Variants in RABGAP1L observed in about 807,000 individuals in gnomAD.
The protein encoded by RABGAP1L is RAB GTPase activating protein 1 like.
A neutral mutation model predicts 137.7 loss-of-function variants in RABGAP1L; 63 were observed. The observed-to-expected ratio is 0.46, with a 90% CI of 0.37 to 0.56. The LOEUF (loss-of-function observed/expected upper bound fraction) is 0.56, where lower values mean the gene tolerates loss of function less well. Ranked by LOEUF, RABGAP1L falls within the 20% of genes least tolerant of loss-of-function variation. The pLI, the probability that RABGAP1L is intolerant of heterozygous loss-of-function variation, is 0.00. For missense variants in RABGAP1L, 1,095 were observed against 1,244.0 expected, an observed-to-expected ratio of 0.88 and a Z score of 1.80; for synonymous variants, 431 against 433.7, an observed-to-expected ratio of 0.99 and a Z score of 0.08.
At position 174,296,214 on chromosome 1, in the gene RABGAP1L, T is replaced by C. The variant is rs184922262; in HGVS notation, c.1324-8772T>C. 1.1e-3 allele frequency among the ~76,000 whole-genome samples: 175 copies of C among 152,328 alleles called. 1 individual carries two copies. Among genetic ancestry groups the C allele is most frequent in the African/African-American group, 3.4e-3 (142 of 41,570 alleles). On this transcript the variant is annotated intron_variant, in intron 10 of 25. Coordinates refer to ENST00000681986, the MANE Select transcript of RABGAP1L (RefSeq NM_001366446.1). ...TTAATTGGTAAATAAGAGACAGTGTTCTTAAACTCTTAAGACTTGGACAAT... is the reference window on the plus strand; with the variant it reads ...TTAATTGGTAAATAAGAGACAGTGTCCTTAAACTCTTAAGACTTGGACAAT...
At chr1:174,772,932 A>C (rs1686237448) in intron 18 of RABGAP1L, among the ~76,000 whole-genome samples, 1 of 152,158 alleles carries the variant, frequency 6.6e-6, no homozygotes, top group Non-Finnish European at 1.5e-5. Flanking sequence ...TTTAACAATA[A>C]TTCTATTACT....
intron 19 of RABGAP1L, among the ~76,000 whole-genome samples, chr1:174,837,977 G>A (rs1275956543): frequency 6.6e-6 from 1 of 152,102 alleles, no homozygotes; most frequent in Non-Finnish European, 1.5e-5. Context: ...TGAATGGATA[G>A]TCTCTTTATA....
chr1:174,714,168 A>AT (rs936204079), intron 17 of RABGAP1L, among the ~76,000 whole-genome samples: 1 of 150,848 alleles, frequency 6.6e-6, no homozygotes, highest in African/African-American at 2.4e-5. Context: ...AGGGATGTTA[A>AT]TTTAAAAAAA....
At chr1:174,512,260 T>C (rs1662420792) in intron 13 of RABGAP1L, among the ~76,000 whole-genome samples, 1 of 152,218 alleles carries the variant, frequency 6.6e-6, no homozygotes, top group African/African-American at 2.4e-5. Context: ...CCTAGTATTC[T>C]ATTCATGGTG....
chr1:174,624,392 T>C (rs1672785818), intron 13 of RABGAP1L, among the ~76,000 whole-genome samples: 1 of 152,234 alleles, frequency 6.6e-6, no homozygotes, highest in South Asian at 2.1e-4. Flanking sequence ...ATCTTGTCTT[T>C]ACAAGTTGAT....
chr1:174,434,024 T>A (rs992360305), intron 13 of RABGAP1L, among the ~76,000 whole-genome samples: 2 of 151,962 alleles, frequency 1.3e-5, no homozygotes, highest in South Asian at 2.1e-4. Context: ...ATACAGAATG[T>A]TTCCCTCTTC....
At chr1:174,295,876 A>C (rs969897389) in intron 10 of RABGAP1L, among the ~76,000 whole-genome samples, 1 of 152,144 alleles carries the variant, frequency 6.6e-6, no homozygotes, top group African/African-American at 2.4e-5. Flanking sequence ...TTTAGCAAGC[A>C]GTTGGATATT....
At chr1:174,205,426 T>C (rs1668438022) in intron 1 of RABGAP1L, among the ~76,000 whole-genome samples, 1 of 152,104 alleles carries the variant, frequency 6.6e-6, no homozygotes, top group Middle Eastern at 3.2e-3. Flanking sequence ...TGGGATTTTT[T>C]TGGTTGGTAG....
chr1:174,800,616 C>T (rs1442612783), intron 18 of RABGAP1L: 1 of 1,427,822 alleles, frequency 7.0e-7, no homozygotes, highest in Non-Finnish European at 9.3e-7. Context: ...TCTCCCCATT[C>T]TGCCGAGAAG....
Position 174,390,959 on chromosome 1 carries a change from C to A in RABGAP1L, c.1560-3036C>A, listed in dbSNP as rs80345185. Among the ~76,000 whole-genome samples, 1,413 of 151,960 alleles carry A rather than the reference C, an allele frequency of 9.3e-3. 26 individuals carry two copies. The highest frequency in any genetic ancestry group is 0.033 in the African/African-American group (1,360 of 41,430). Reference sequence around the variant, plus strand: ...GAGACAAGAGAATGAAAGAAAAGGGCAAGAGTAAAGAGAGATAACTTCAAG... The same window carrying A: ...GAGACAAGAGAATGAAAGAAAAGGGAAAGAGTAAAGAGAGATAACTTCAAG... On this transcript the variant is annotated intron_variant, in intron 12 of 25. Transcript: ENST00000681986.
chr1:174,925,700 A>G (rs995756631), intron 19 of RABGAP1L, among the ~76,000 whole-genome samples: 3 of 151,936 alleles, frequency 2.0e-5, no homozygotes, highest in African/African-American at 7.2e-5. Flanking sequence ...GAATTTATAG[A>G]TTTTCATAAA....
At chr1:174,747,026 TAAG>T (rs981948065) in intron 17 of RABGAP1L, among the ~76,000 whole-genome samples, 1 of 152,174 alleles carries the variant, frequency 6.6e-6, no homozygotes, top group African/African-American at 2.4e-5. Context: ...GTTTTCCCCT[TAAG>T]AACAAACAAA....
At chr1:174,361,028 G>T (rs1282267554) in intron 11 of RABGAP1L, among the ~76,000 whole-genome samples, 1 of 152,040 alleles carries the variant, frequency 6.6e-6, no homozygotes, top group Non-Finnish European at 1.5e-5. Context: ...ATGGTGGTGA[G>T]TGCTTGTAGT....
chr1:174,789,606 C>T (rs1687705640), intron 18 of RABGAP1L, among the ~76,000 whole-genome samples: 1 of 152,036 alleles, frequency 6.6e-6, no homozygotes, highest in Admixed American at 6.6e-5. Flanking sequence ...TCAGCAAACC[C>T]ACAAGTTACT....
intron 15 of RABGAP1L, among the ~76,000 whole-genome samples, chr1:174,691,440 G>C (rs1678870357): frequency 6.6e-6 from 1 of 152,162 alleles, no homozygotes; most frequent in Non-Finnish European, 1.5e-5. Context: ...AATTAGTACA[G>C]ATGGCAGATC....
intron 17 of RABGAP1L, among the ~76,000 whole-genome samples, chr1:174,712,980 T>C (rs1680693554): frequency 6.6e-6 from 1 of 152,242 alleles, no homozygotes; most frequent in Non-Finnish European, 1.5e-5. Flanking sequence ...AGGGTGGTCT[T>C]GGGAAATGCA....
chr1:174,276,086 A>G (rs1473761055), intron 9 of RABGAP1L, 151 bp downstream of exon 9: 5 of 557,784 alleles, frequency 9.0e-6, no homozygotes, highest in South Asian at 5.0e-5. Flanking sequence ...TTATGCTTCT[A>G]TGGGGGAAAT....
intron 14 of RABGAP1L, among the ~76,000 whole-genome samples, chr1:174,665,767 A>G (rs1676746049): frequency 6.6e-6 from 1 of 152,202 alleles, no homozygotes; most frequent in Non-Finnish European, 1.5e-5. Flanking sequence ...GCCCAGCCTT[A>G]GCTTCTTTAT....
chr1:174,596,873 AG>A (rs1669976874), intron 13 of RABGAP1L, among the ~76,000 whole-genome samples: 1 of 152,026 alleles, frequency 6.6e-6, no homozygotes, highest in South Asian at 2.1e-4. Context: ...TGTGTGTTGA[AG>A]TATGTTTCTT....
Sources: gnomAD v4.1 joint callset for allele counts (sites outside exome capture counted in the v4.1 genomes callset) on GRCh38, gnomAD v4.1.1 for gene constraint, MANE v1.5 for transcripts, NCBI Gene and HGNC (gene_info 2026-07-23, HGNC 2026-07-21) for gene names.